The following KCNA2 variants were observed in gnomAD, a reference collection of about 807,000 sequenced individuals.
KCNA2 encodes potassium voltage-gated channel subfamily A member 2, also known as potassium channel, voltage gated shaker related subfamily A, member 2.
Under a neutral mutation model 33.4 loss-of-function variants are expected in KCNA2, and 11 were observed. The ratio of observed to expected loss-of-function variants is 0.33; its 90% confidence interval spans 0.21 to 0.55. The LOEUF (loss-of-function observed/expected upper bound fraction) is 0.55. Among genes scored for constraint, KCNA2 ranks in the 20% least tolerant of loss-of-function variants. KCNA2 has a pLI of 0.93. For missense variants in KCNA2, 291 were observed against 621.6 expected, an observed-to-expected ratio of 0.47 and a Z score of 5.66; for synonymous variants, 222 against 231.3, an observed-to-expected ratio of 0.96 and a Z score of 0.37.
At chr1:110,629,731 A>T (rs2101475941) in intron 1 of KCNA2, among the ~76,000 whole-genome samples, 1 of 152,360 alleles carries the variant, frequency 6.6e-6, no homozygotes, top group Non-Finnish European at 1.5e-5. Context: ...TGTGTCAGTG[A>T]ATTCACTCAT....
intron 1 of KCNA2, among the ~76,000 whole-genome samples, chr1:110,612,452 T>A (rs957771535): frequency 6.6e-6 from 1 of 152,178 alleles, no homozygotes; most frequent in Non-Finnish European, 1.5e-5. Context: ...GATGTCCTTA[T>A]CAACTGTCTT....
At chr1:110,609,973 T>G (rs945573595), upstream of KCNA2, among the ~76,000 whole-genome samples, 1 of 152,180 alleles carries the variant, frequency 6.6e-6, no homozygotes, top group Non-Finnish European at 1.5e-5. Flanking sequence ...AGGACAAAAT[T>G]AGCTATAAAG....
At chr1:110,615,832 G>A (rs912367145) in intron 1 of KCNA2, among the ~76,000 whole-genome samples, 2 of 152,198 alleles carry the variant, frequency 1.3e-5, no homozygotes, top group Admixed American at 6.5e-5. Context: ...GGGTCGGGGC[G>A]CCTGGGGAGG....
At position 110,594,157 on chromosome 1, in the gene KCNA2, AATT is replaced by A; in HGVS notation, c.*9123_*9125del. 1 of 1,336,798 alleles carries A rather than the reference AATT, an allele frequency of 7.5e-7. No individual in the cohort carries two copies. Among genetic ancestry groups the A allele is most frequent in the Non-Finnish European group, 9.6e-7 (1 of 1,046,320 alleles). 82.8% of individuals were successfully genotyped at this position (1,336,798 alleles called of 1,614,324 possible). On this transcript the variant is annotated 3_prime_UTR_variant, in exon 3 of 3. Transcript: ENST00000316361. ...TTATCTACCTCTTTGAGTTTTCAGCAATTATTAGAGACAGGACATGGGAGGGCA... is the reference window on the plus strand; with the variant it reads ...TTATCTACCTCTTTGAGTTTTCAGCAATTAGAGACAGGACATGGGAGGGCA...
intron 1 of KCNA2, 103 bp from the exon 2 acceptor site, chr1:110,605,825 C>T (rs983477143): frequency 1.3e-5 from 2 of 152,318 alleles, no homozygotes; most frequent in African/African-American, 4.8e-5. Context: ...AACAGGCCCC[C>T]ATGCCCATCC....
Position 110,601,998 on chromosome 1 carries a change from G to A in KCNA2, c.*1285C>T, listed in dbSNP as rs746477026. The A allele has an allele frequency of 3.2e-6, 5 of 1,539,826 alleles. No homozygotes were observed. The South Asian group carries it at 4.8e-5, about 15-fold the overall frequency. On this transcript the variant is annotated 3_prime_UTR_variant, in exon 3 of 3. Coordinates refer to ENST00000316361, the MANE Select transcript of KCNA2 (RefSeq NM_004974.4). ...AGGAACGCGTGAAAGAGAGATACTC[G>A]ATATATATTTATATACACTGGATCC...
In KCNA2 at chr1:110,595,692, A is replaced by G. The variant is rs1649066130; in HGVS notation, c.*7591T>C. The stretch of plus-strand genomic sequence containing the variant: ...TGATGTGTACAGCTTACCCCCAAAG[A>G]GGCAACTGAATTTCAGCTGCTCTAA... On this transcript the variant is annotated 3_prime_UTR_variant, in exon 3 of 3. Transcript: ENST00000316361. 1 of 985,308 alleles carries G rather than the reference A, an allele frequency of 1.0e-6. No individual in the cohort carries two copies. The highest frequency in any genetic ancestry group is 1.7e-5 in the African/African-American group (1 of 57,224). 61.0% of individuals were successfully genotyped at this position (985,308 alleles called of 1,614,324 possible). A position where few individuals can be genotyped will look rare whatever the true frequency, so the allele number is the denominator to read the frequency against.
rs554901622 is a variant in KCNA2 at position 110,595,807 on chromosome 1, TG to T, written c.*7475del. Reference sequence around the variant, plus strand: ...ATTGCCACAAACCTCACCTTCTGTGTGGCAGAGATGTGCTTTAGTTCTTCAT... The same window carrying T: ...ATTGCCACAAACCTCACCTTCTGTGTGCAGAGATGTGCTTTAGTTCTTCAT... On this transcript the variant is annotated 3_prime_UTR_variant, in exon 3 of 3. Coordinates refer to ENST00000316361, the MANE Select transcript of KCNA2 (RefSeq NM_004974.4). The T allele has an allele frequency of 3.0e-6, 3 of 985,476 alleles. No individual in the cohort carries two copies. The African/African-American group carries it at 5.2e-5, about 17-fold the overall frequency. 61.0% of individuals were successfully genotyped at this position (985,476 alleles called of 1,614,324 possible).
chr1:110,616,143 T>A (rs765131026), intron 1 of KCNA2, among the ~76,000 whole-genome samples: 1 of 152,212 alleles, frequency 6.6e-6, no homozygotes, highest in Non-Finnish European at 1.5e-5. Context: ...TCCTCTCTTC[T>A]CTGAACTCTG....
chr1:110,628,702 C>G (rs537992465), intron 1 of KCNA2, among the ~76,000 whole-genome samples: 1 of 152,290 alleles, frequency 6.6e-6, no homozygotes, highest in South Asian at 2.1e-4. Context: ...TGAAAGAAGG[C>G]AGGAGGTCAG....
At chr1:110,626,744 C>T (rs1219142219) in intron 1 of KCNA2, among the ~76,000 whole-genome samples, 1 of 152,150 alleles carries the variant, frequency 6.6e-6, no homozygotes, top group Non-Finnish European at 1.5e-5. Context: ...CCAGCTTTAT[C>T]TCAGCCCTTA....
intron 1 of KCNA2, among the ~76,000 whole-genome samples, chr1:110,619,127 C>T (rs1312991171): frequency 6.6e-6 from 1 of 152,162 alleles, no homozygotes; most frequent in Non-Finnish European, 1.5e-5. Context: ...TCTGCAGCTG[C>T]CTCCTTCCTG....
At chr1:110,619,990 T>C (rs1650198916) in intron 1 of KCNA2, among the ~76,000 whole-genome samples, 2 of 151,238 alleles carry the variant, frequency 1.3e-5, no homozygotes, top group South Asian at 2.1e-4. Context: ...TAGCAAATGC[T>C]GCTGTGAACT....
In KCNA2 at chr1:110,600,958, G is replaced by A. The variant is rs773272411; in HGVS notation, c.*2325C>T. 18 of 985,304 alleles carry A rather than the reference G, an allele frequency of 1.8e-5. No individual in the cohort carries two copies. Among genetic ancestry groups the A allele is most frequent in the East Asian group, 1.1e-4 (1 of 8,830 alleles). 61.0% of individuals were successfully genotyped at this position (985,304 alleles called of 1,614,324 possible). A position where few individuals can be genotyped will look rare whatever the true frequency, so the allele number is the denominator to read the frequency against. ...GGCTGGAGCCACCCCTGCATAGCCC[G>A]ACCCCTGCAATTCACTGTTTGGGAA... On this transcript the variant is annotated 3_prime_UTR_variant, in exon 3 of 3. Transcript: ENST00000316361.
intron 1 of KCNA2, among the ~76,000 whole-genome samples, chr1:110,630,009 C>CTTTTT (rs372364243): frequency 1.6e-4 from 19 of 115,202 alleles, no homozygotes; most frequent in South Asian, 2.9e-4. Flanking sequence ...GTGCTCTGTA[C>CTTTTT]TTTTTTTTTT....
chr1:110,604,844 A>C lies in KCNA2; in HGVS notation c.-62T>G. On this transcript the variant is annotated 5_prime_UTR_variant, in exon 3 of 3. It removes the in-frame stop codon of an upstream open reading frame in the 5' UTR. Transcript: ENST00000316361. This position sits in a 1 kb window ranked among gnomAD's most constrained non-coding sequence, Gnocchi z 7.6. ...TCAGCTGCCTGGTGGCAGGGAGCTC[A>C]GGGTGCTGCTACTGGCCCCAGGAAG... 10 of 1,489,736 alleles carry C rather than the reference A, an allele frequency of 6.7e-6. No homozygotes were observed. Among genetic ancestry groups the C allele is most frequent in the Non-Finnish European group, 9.1e-6 (10 of 1,095,756 alleles). The allele number at this position is 1,489,736 out of a possible 1,614,324, so 92.3% of individuals were successfully genotyped here.
Position 110,596,159 on chromosome 1 carries a change from GAAA to G in KCNA2, c.*7121_*7123del, listed in dbSNP as rs1003400689. The G allele has an allele frequency of 2.3e-5, 22 of 976,252 alleles. No homozygotes were observed. The African/African-American group carries it at 3.5e-4, about 16-fold the overall frequency. The allele number at this position is 976,252 out of a possible 1,614,324, so 60.5% of individuals were successfully genotyped here. ...TGCCTTCTAGAGAGGTCCCTAAGCA[GAAA>G]AAAAAAGAGTAGAACTGGAGAGGTG... On this transcript the variant is annotated 3_prime_UTR_variant, in exon 3 of 3. Coordinates refer to ENST00000316361, the MANE Select transcript of KCNA2 (RefSeq NM_004974.4).
In KCNA2 at chr1:110,594,043, G is replaced by C; in HGVS notation, c.*9240C>G. The C allele has an allele frequency of 6.6e-7, 1 of 1,515,596 alleles. No individual in the cohort carries two copies. The highest frequency in any genetic ancestry group is 1.3e-5 in the South Asian group (1 of 77,194). The allele number at this position is 1,515,596 out of a possible 1,614,324, so 93.9% of individuals were successfully genotyped here. ...TGGTCCCCAGCCTCTTATCACCATG[G>C]AGACCCCAGTTCCCTTTCGGCATCA... On this transcript the variant is annotated 3_prime_UTR_variant, in exon 3 of 3. Coordinates refer to ENST00000316361, the MANE Select transcript of KCNA2 (RefSeq NM_004974.4).
At chr1:110,622,918 T>C (rs1446368630) in intron 1 of KCNA2, among the ~76,000 whole-genome samples, 3 of 152,210 alleles carry the variant, frequency 2.0e-5, no homozygotes, top group Non-Finnish European at 4.4e-5. Flanking sequence ...TTAATCCACA[T>C]ATTCAATAGA....
Sources: gnomAD v4.1 joint callset for allele counts (sites outside exome capture counted in the v4.1 genomes callset) on GRCh38, gnomAD v4.1.1 for gene constraint, Gnocchi (gnomAD v3.1) non-coding constraint, MANE v1.5 for transcripts, NCBI Gene and HGNC (gene_info 2026-07-23, HGNC 2026-07-21) for gene names.